Variants in FSTL5 observed in about 807,000 individuals in gnomAD.
FSTL5 encodes follistatin-related protein 5.
In FSTL5, 62 loss-of-function variants were observed where a neutral mutation model predicts 89.1. That is an observed-to-expected ratio of 0.70 (90% CI 0.57 to 0.86). The LOEUF is 0.86. Ranked by LOEUF, FSTL5 falls within the 40% of genes least tolerant of loss-of-function variation. The pLI, the probability that FSTL5 is intolerant of heterozygous loss-of-function variation, is 0.00. For synonymous variants in FSTL5, 383 were observed against 346.2 expected (o/e 1.11, Z -1.18); for missense variants, 1,057 against 1,001.6 (o/e 1.06, Z -0.75).
intron 6 of FSTL5, among the ~76,000 whole-genome samples, chr4:161,746,339 A>C (rs986631648): frequency 1.3e-5 from 2 of 152,126 alleles, no homozygotes; most frequent in African/African-American, 4.8e-5. Flanking sequence ...TTCCCCTAAT[A>C]TTCCTTAAAT....
At chr4:161,975,624 G>C (rs1735614125) in intron 3 of FSTL5, among the ~76,000 whole-genome samples, 1 of 151,078 alleles carries the variant, frequency 6.6e-6, no homozygotes, top group Admixed American at 6.6e-5. Context: ...GAGTGGGGAG[G>C]GATAGCACTG....
In FSTL5 at chr4:161,776,030, G is replaced by C; in HGVS notation, c.454C>G (p.Leu152Val). Residue 152 changes from leucine (L) to valine (V), a missense_variant, in exon 5 of 16, where the codon CTA becomes GTA. Physicochemically the swap from Leu to Val is conservative, Grantham distance 32. Around this residue, in one of 3 missense-constraint regions of FSTL5, gnomAD observed 980 missense variants for 903.2 expected, o/e 1.08. Transcript: ENST00000306100. ...TATTTTTGATTTTGTAAATCTAATA[G>C]CATATTTTTCATCTTGCTGTATTCA... The part of the protein sequence containing the change: ...TTEYSKMKNM[L>V]LDLQNQKYIM... 6.3e-7 allele frequency: 1 copy of C among 1,587,816 alleles called. No homozygotes were observed. The highest frequency in any genetic ancestry group is 2.3e-5 in the East Asian group (1 of 44,160).
At chr4:162,138,641 A>G (rs1425589641) in intron 1 of FSTL5, among the ~76,000 whole-genome samples, 4 of 152,086 alleles carry the variant, frequency 2.6e-5, no homozygotes, top group Non-Finnish European at 5.9e-5. Context: ...CAGTGAAGTT[A>G]AAAAAATAAT....
At chr4:161,726,227 C>CTTTT (rs5863477) in intron 6 of FSTL5, among the ~76,000 whole-genome samples, 24 of 113,656 alleles carry the variant, frequency 2.1e-4, no homozygotes, top group South Asian at 2.8e-4. Flanking sequence ...TTTTCTTTTT[C>CTTTT]TTTTTTTTTT....
chr4:161,438,468 T>C (rs914366455), intron 15 of FSTL5, among the ~76,000 whole-genome samples: 2 of 152,188 alleles, frequency 1.3e-5, no homozygotes, highest in Non-Finnish European at 2.9e-5. Context: ...TTATCTAAAA[T>C]CTATTGCCTT....
chr4:161,550,878 C>T (rs1319299554), intron 8 of FSTL5, among the ~76,000 whole-genome samples: 2 of 151,802 alleles, frequency 1.3e-5, no homozygotes, highest in African/African-American at 4.8e-5. Flanking sequence ...ATGATGATTT[C>T]CAATTTCATC....
intron 8 of FSTL5, among the ~76,000 whole-genome samples, chr4:161,566,696 T>C (rs1445707700): frequency 6.6e-6 from 1 of 152,092 alleles, no homozygotes; most frequent in Non-Finnish European, 1.5e-5. Context: ...TGCATTTCCC[T>C]GATGATTAGT....
chr4:161,476,577 A>C (rs547694529), intron 13 of FSTL5, among the ~76,000 whole-genome samples: 2 of 152,208 alleles, frequency 1.3e-5, no homozygotes, highest in South Asian at 4.2e-4. Context: ...AGCAAACTTA[A>C]AGTCTTCTAA....
intron 3 of FSTL5, among the ~76,000 whole-genome samples, chr4:161,976,117 C>CAA (rs371745777): frequency 0.019 from 1,227 of 64,862 alleles, 23 homozygotes; most frequent in East Asian, 0.092. Context: ...GACTCCGCCT[C>CAA]AAAAAAAAAA....
Position 162,020,926 on chromosome 4 carries a change from A to G in FSTL5, c.160+12699T>C, listed in dbSNP as rs116245897. Among the ~76,000 whole-genome samples, 1,075 of 152,182 alleles carry G rather than the reference A, an allele frequency of 7.1e-3. 15 individuals carry two copies. The highest frequency in any genetic ancestry group is 0.024 in the African/African-American group (1,000 of 41,542). On this transcript the variant is annotated intron_variant, in intron 3 of 15. Transcript: ENST00000306100. Reference sequence around the variant, plus strand: ...TCATGAAAGGTCCTTTCATGTTTTAATTTTACTTTTTAAATGTTTTAAATT... The same window carrying G: ...TCATGAAAGGTCCTTTCATGTTTTAGTTTTACTTTTTAAATGTTTTAAATT...
chr4:161,473,068 A>T (rs1578860720), intron 13 of FSTL5, among the ~76,000 whole-genome samples: 1 of 152,300 alleles, frequency 6.6e-6, no homozygotes, highest in East Asian at 1.9e-4. Flanking sequence ...CTGGCCTAAC[A>T]TATCATTTAT....
chr4:161,627,674 C>A (rs1374943169), intron 7 of FSTL5, among the ~76,000 whole-genome samples: 1 of 152,060 alleles, frequency 6.6e-6, no homozygotes, highest in Non-Finnish European at 1.5e-5. Context: ...TATATTTATA[C>A]CCATTACTAC....
At chr4:161,459,385 A>G in intron 13 of FSTL5, 66 bp from the exon 14 acceptor site, 1 of 922,150 alleles carries the variant, frequency 1.1e-6, no homozygotes, top group Non-Finnish European at 1.7e-6. Context: ...TAGGCCAGAA[A>G]TTATGAAGAT....
Position 161,656,478 on chromosome 4 carries a change from A to T in FSTL5, c.744T>A (p.Ser248Arg), listed in dbSNP as rs114905908. ...TGCTTAGTTTCTGATCTTCTGGCAG[A>T]CTCAACTGGATCACTTCTGTAAAGA... ...FYRAFQVIQL[S>R]LPEDQKLSIT... The change falls in exon 7 of 16, where the codon AGT (serine) becomes AGA (arginine). Residue 248 changes from serine (S) to arginine (R), a missense_variant. Around this residue, in one of 3 missense-constraint regions of FSTL5, gnomAD observed 980 missense variants for 903.2 expected, o/e 1.08. Coordinates refer to ENST00000306100, the MANE Select transcript of FSTL5 (RefSeq NM_020116.5). The T allele has an allele frequency of 2.7e-3, 4,335 of 1,591,204 alleles. 89 individuals are homozygous for T. In the African/African-American group the frequency reaches 0.049, roughly 18 times the overall value.
intron 3 of FSTL5, among the ~76,000 whole-genome samples, chr4:161,965,982 A>G (rs1432935409): frequency 6.6e-6 from 1 of 152,096 alleles, no homozygotes; most frequent in Non-Finnish European, 1.5e-5. Flanking sequence ...AACAGCTGGG[A>G]CTTAGTACAT....
intron 6 of FSTL5, among the ~76,000 whole-genome samples, chr4:161,702,743 T>C (rs191446998): frequency 1.3e-5 from 2 of 152,250 alleles, no homozygotes; most frequent in East Asian, 3.9e-4. Flanking sequence ...AAAAGATTAT[T>C]GACTTCACTT....
rs755742733 is a variant in FSTL5 at position 162,111,299 on chromosome 4, T to C, written c.98A>G (p.Tyr33Cys). The change falls in exon 2 of 16, where the codon TAT (tyrosine) becomes TGT (cysteine). Residue 33 changes from tyrosine to cysteine, a missense_variant. Coordinates refer to ENST00000306100, the MANE Select transcript of FSTL5 (RefSeq NM_020116.5). Reference protein sequence around the residue: ...TKEGGYGLKSYQPLMRLRHKQ... With the variant: ...TKEGGYGLKSCQPLMRLRHKQ... ...ATGTCGCAATCTCATTAGAGGCTGA[T>C]AGGATTTAAGGCCATATCCTCCTTC... 7.4e-6 allele frequency: 12 copies of C among 1,611,354 alleles called. No individual in the cohort carries two copies. The South Asian group carries it at 8.8e-5, about 12-fold the overall frequency.
chr4:162,149,099 T>C (rs942011569), intron 1 of FSTL5, among the ~76,000 whole-genome samples: 5 of 152,274 alleles, frequency 3.3e-5, no homozygotes, highest in African/African-American at 1.2e-4. Flanking sequence ...TCAAAAATTG[T>C]TTTGAAAACA....
intron 1 of FSTL5, among the ~76,000 whole-genome samples, chr4:162,127,395 T>G (rs1579049363): frequency 6.6e-6 from 1 of 152,364 alleles, no homozygotes; most frequent in African/African-American, 2.4e-5. Context: ...TGAGGCATGC[T>G]CACACTATAA....
Sources: gnomAD v4.1 joint callset for allele counts (sites outside exome capture counted in the v4.1 genomes callset) on GRCh38, gnomAD v4.1.1 for gene constraint, gnomAD v4.1.1 regional missense constraint, MANE v1.5 for transcripts, NCBI Gene and HGNC (gene_info 2026-07-23, HGNC 2026-07-21) for gene names.